The following MTM1 variants were observed in gnomAD, a reference collection of about 807,000 sequenced individuals.
MTM1 encodes the protein myotubularin 1.
MTM1 carries 9 observed loss-of-function variants against 52.1 expected under a neutral mutation model. The ratio of observed to expected loss-of-function variants is 0.17; its 90% CI spans 0.10 to 0.30. MTM1 has a LOEUF of 0.30. Ranked by LOEUF, MTM1 falls within the 10% of genes least tolerant of loss-of-function variation. The pLI is 1.00. For missense variants in MTM1, 277 were observed against 470.7 expected, an observed-to-expected ratio of 0.59 and a Z score of 3.81; for synonymous variants, 136 against 163.8, an observed-to-expected ratio of 0.83 and a Z score of 1.29.
At chrX:150,647,571 T>G (rs2039956369) in intron 9 of MTM1, among the ~76,000 whole-genome samples, 2 of 112,057 alleles carry the variant, frequency 1.8e-5, no homozygotes, top group Non-Finnish European at 3.8e-5. Context: ...ATCATCGTCC[T>G]AGGTAATCTA....
intron 3 of MTM1, 123 bp from the exon 4 acceptor site, chrX:150,598,468 CT>C (rs1327128913): frequency 9.4e-5 from 45 of 480,000 alleles, no homozygotes; most frequent in Non-Finnish European, 1.4e-4. Context: ...TGCTTTCAGC[CT>C]TTTCAGTAAT....
chrX:150,660,130 A>C (rs1251056951), intron 12 of MTM1, among the ~76,000 whole-genome samples: 3 of 112,030 alleles, frequency 2.7e-5, no homozygotes, highest in Admixed American at 9.5e-5. Context: ...AGGAGAACCC[A>C]GAAAATCAGC....
intron 14 of MTM1, among the ~76,000 whole-genome samples, chrX:150,667,831 G>C (rs2040328682): frequency 8.9e-6 from 1 of 112,298 alleles, no homozygotes; most frequent in African/African-American, 3.2e-5. Context: ...TGCTGCATTT[G>C]TACCTGGCTT....
chrX:150,670,859 C>A (rs1387795158), intron 14 of MTM1, among the ~76,000 whole-genome samples: 2 of 111,991 alleles, frequency 1.8e-5, no homozygotes, highest in African/African-American at 6.5e-5. Context: ...TACCCATCAG[C>A]CTGGGAAGGG....
intron 1 of MTM1, among the ~76,000 whole-genome samples, chrX:150,582,934 G>T (rs1603099555): frequency 9.8e-6 from 1 of 101,755 alleles, no homozygotes; most frequent in East Asian, 3.0e-4. Flanking sequence ...ACAAGCTTGG[G>T]ATTTCATTTC....
intron 1 of MTM1, among the ~76,000 whole-genome samples, chrX:150,569,013 C>G (rs1204396447): frequency 8.8e-6 from 1 of 113,586 alleles, no homozygotes; most frequent in Non-Finnish European, 1.9e-5. Context: ...CGTCCCGGGG[C>G]GGTGAGTGGG....
chrX:150,601,987 C>CTAG (rs1326302189), intron 4 of MTM1, among the ~76,000 whole-genome samples: 1 of 111,681 alleles, frequency 9.0e-6, no homozygotes, highest in Non-Finnish European at 1.9e-5. Flanking sequence ...TCAGAAGCTG[C>CTAG]TAGTCATCCT....
intron 7 of MTM1, among the ~76,000 whole-genome samples, chrX:150,640,024 A>G (rs1207864489): frequency 1.8e-5 from 2 of 111,365 alleles, no homozygotes; most frequent in African/African-American, 3.3e-5. Context: ...TATGTGACAT[A>G]GTATATCCTG....
intron 1 of MTM1, among the ~76,000 whole-genome samples, chrX:150,583,457 TA>T (rs1254863339): frequency 1.1e-4 from 3 of 28,089 alleles, no homozygotes; most frequent in Non-Finnish European, 1.1e-4. Context: ...ATATTATATA[TA>T]ATTATAAATA....
chrX:150,633,626 G>C (rs1473797029), intron 6 of MTM1, among the ~76,000 whole-genome samples: 1 of 111,047 alleles, frequency 9.0e-6, no homozygotes, highest in Non-Finnish European at 1.9e-5. Flanking sequence ...ACCCTTAAAT[G>C]GTAGATGGAA....
intron 4 of MTM1, among the ~76,000 whole-genome samples, chrX:150,608,388 T>A (rs73250558): frequency 3.6e-5 from 4 of 110,606 alleles, no homozygotes; most frequent in African/African-American, 9.9e-5. Context: ...CCAGCTAATT[T>A]TTGTATTTTT....
intron 9 of MTM1, among the ~76,000 whole-genome samples, chrX:150,648,131 G>A: frequency 9.0e-6 from 1 of 111,316 alleles, no homozygotes; most frequent in Non-Finnish European, 1.9e-5. Context: ...CACTGTGAAT[G>A]TTTACTGTCT....
chrX:150,578,069 G>A (rs2065839581), intron 1 of MTM1, among the ~76,000 whole-genome samples: 1 of 111,956 alleles, frequency 8.9e-6, no homozygotes, highest in Non-Finnish European at 1.9e-5. Flanking sequence ...GTCACAACCA[G>A]TAGATTTTGA....
At chrX:150,567,852 C>T (rs1204259361), upstream of MTM1, among the ~76,000 whole-genome samples, 1 of 112,568 alleles carries the variant, frequency 8.9e-6, no homozygotes, top group Non-Finnish European at 1.9e-5. Flanking sequence ...CCGCGCCCGG[C>T]CCAGATTGTT....
chrX:150,574,768 G>A (rs2038439818), intron 1 of MTM1, among the ~76,000 whole-genome samples: 1 of 112,033 alleles, frequency 8.9e-6, no homozygotes, highest in African/African-American at 3.3e-5. Flanking sequence ...GATTTGCTGA[G>A]GATTTCATCA....
At position 150,624,884 on chromosome X, in the gene MTM1, C is replaced by T. The variant is rs781989928; in HGVS notation, c.444+5745C>T. On this transcript the variant is annotated intron_variant, in intron 6 of 14. Coordinates refer to ENST00000370396, the MANE Select transcript of MTM1 (RefSeq NM_000252.3). ...TAGGCGTGAATATAGTCACTTAAAT[C>T]TGCCTTTATAGCAGTAGGCGCACAT... Among the ~76,000 whole-genome samples, 5 of 112,270 alleles carry T rather than the reference C, an allele frequency of 4.5e-5. No individual in the cohort carries two copies. The East Asian group carries it at 1.4e-3, about 31-fold the overall frequency.
intron 4 of MTM1, among the ~76,000 whole-genome samples, chrX:150,609,888 A>G (rs2039243693): frequency 9.0e-6 from 1 of 111,675 alleles, no homozygotes; most frequent in African/African-American, 3.3e-5. Context: ...TGCCAGATGA[A>G]TCTTCATAAA....
intron 6 of MTM1, among the ~76,000 whole-genome samples, chrX:150,629,842 T>C (rs2039635071): frequency 9.0e-6 from 1 of 111,485 alleles, no homozygotes; most frequent in East Asian, 2.8e-4. Context: ...TTCAGTTTAT[T>C]GTGTCTCCAC....
At chrX:150,607,613 A>G (rs1490191573) in intron 4 of MTM1, among the ~76,000 whole-genome samples, 2 of 111,387 alleles carry the variant, frequency 1.8e-5, no homozygotes, top group African/African-American at 3.3e-5. Context: ...CTTGCCTTCT[A>G]TGCGGCTCAT....
Sources: allele counts gnomAD v4.1 joint callset (sites outside exome capture counted in the v4.1 genomes callset), GRCh38; gene constraint gnomAD v4.1.1; transcripts MANE v1.5; gene names NCBI Gene and HGNC (gene_info 2026-07-23, HGNC 2026-07-21).